CSMD1: variants seen among roughly 807,000 people sequenced by gnomAD.
The protein encoded by CSMD1 is CUB and Sushi multiple domains 1, also known as CUB and sushi domain-containing protein 1.
CSMD1 carries 213 observed loss-of-function variants against 417.5 expected under a neutral mutation model. That is an observed-to-expected ratio of 0.51 (90% CI 0.46 to 0.57). The LOEUF (loss-of-function observed/expected upper bound fraction) is 0.57. Ranked by LOEUF, CSMD1 falls within the 20% of genes least tolerant of loss-of-function variation. The pLI is 0.00. For synonymous variants in CSMD1, 2,862 were observed against 1,736.8 expected (o/e 1.65, Z -16.11); for missense variants, 6,923 against 4,529.7 (o/e 1.53, Z -15.17).
chr8:2,973,143 C>T lies in CSMD1; in HGVS notation c.8897G>A (p.Trp2966Ter). 6.2e-7 allele frequency: 1 copy of T among 1,613,758 alleles called. No homozygotes were observed. Among genetic ancestry groups the T allele is most frequent in the Admixed American group, 1.7e-5 (1 of 60,020 alleles). ...CTCACACACCGGCTGCAGTCCTGAC[C>T]ATGACCCATTGAGCAAACACGTGCG... Reference protein sequence around the residue: ...PERTCLLNGSWSGLQPVCEAV... With the variant: ...PERTCLLNGS The change falls in exon 57 of 70, where the codon TGG becomes TAG. Residue 2966 changes from tryptophan (W) to a stop codon, truncating the protein, a stop_gained. Coordinates refer to ENST00000635120, the MANE Select transcript of CSMD1 (RefSeq NM_033225.6). LOFTEE classifies it high-confidence loss of function.
At chr8:3,188,822 TGAAA>T (rs1340187798) in intron 35 of CSMD1, 61 bp downstream of exon 35, 9 of 1,337,258 alleles carry the variant, frequency 6.7e-6, no homozygotes, top group Non-Finnish European at 8.8e-6. Context: ...AACAAAAGAA[TGAAA>T]GAAAGAAGCC....
At chr8:4,321,557 T>C (rs1436343615) in intron 3 of CSMD1, among the ~76,000 whole-genome samples, 3 of 152,084 alleles carry the variant, frequency 2.0e-5, no homozygotes, top group Admixed American at 6.5e-5. Context: ...ATCACAGATA[T>C]AACAGACAAT....
chr8:3,734,668 G>A (rs549638041), intron 6 of CSMD1, among the ~76,000 whole-genome samples: 37 of 152,152 alleles, frequency 2.4e-4, no homozygotes, highest in Non-Finnish European at 4.0e-4. Flanking sequence ...CCAAAACTAC[G>A]CCACTGCACT....
At chr8:3,657,991 G>A (rs1305072499) in intron 7 of CSMD1, among the ~76,000 whole-genome samples, 2 of 152,006 alleles carry the variant, frequency 1.3e-5, no homozygotes, top group Non-Finnish European at 2.9e-5. Flanking sequence ...ATTCTATAAA[G>A]AGAAGTTTGG....
chr8:4,851,966 A>C (rs1447608303), intron 1 of CSMD1, among the ~76,000 whole-genome samples: 2 of 152,136 alleles, frequency 1.3e-5, no homozygotes, highest in Non-Finnish European at 2.9e-5. Flanking sequence ...CACTAGTCTA[A>C]GTTTTTTCCC....
chr8:3,634,701 G>C (rs915988649), intron 7 of CSMD1, among the ~76,000 whole-genome samples: 1 of 139,024 alleles, frequency 7.2e-6, no homozygotes, highest in Non-Finnish European at 1.5e-5. Context: ...GGTGTGATTA[G>C]AACTGTGCTG....
At chr8:4,384,966 G>A (rs562329794) in intron 3 of CSMD1, among the ~76,000 whole-genome samples, 1 of 152,150 alleles carries the variant, frequency 6.6e-6, no homozygotes, top group African/African-American at 2.4e-5. Context: ...TGTCACCCAG[G>A]ATGGAGTGCA....
chr8:4,695,966 G>C (rs947949928), intron 1 of CSMD1, among the ~76,000 whole-genome samples: 5 of 152,148 alleles, frequency 3.3e-5, no homozygotes, highest in African/African-American at 1.2e-4. Flanking sequence ...TAGAGACTTG[G>C]GTTCCGGAGG....
intron 2 of CSMD1, among the ~76,000 whole-genome samples, chr8:4,498,806 AT>A (rs1038320841): frequency 7.2e-5 from 11 of 152,090 alleles, no homozygotes; most frequent in African/African-American, 2.7e-4. Flanking sequence ...TATTACCGAG[AT>A]TCCCCCTGGA....
intron 16 of CSMD1, 143 bp downstream of exon 16, chr8:3,399,248 G>A (rs971704586): frequency 3.0e-6 from 2 of 668,222 alleles, no homozygotes; most frequent in South Asian, 2.5e-5. Flanking sequence ...AAACTTACAA[G>A]TAAGTGCCTG....
In CSMD1 at chr8:2,963,258, G is replaced by A. The variant is rs543793837; in HGVS notation, c.9418C>T (p.Arg3140Cys). The A allele has an allele frequency of 1.7e-5, 27 of 1,613,936 alleles. No individual in the cohort carries two copies. Among genetic ancestry groups the A allele is most frequent in the East Asian group, 4.5e-5 (2 of 44,868 alleles). The stretch of plus-strand genomic sequence containing the variant: ...GGGATCTCTCCTTTCCACACCCCGC[G>A]ACCTTCACAGGAGAGGATGGCGGAG... The part of the protein sequence containing the change: ...SHSAILSCEG[R>C]GVWKGEIPQC... The change falls in exon 60 of 70, where the codon CGC becomes TGC. Residue 3140 changes from arginine (R) to cysteine (C), a missense_variant. Physicochemically the swap from Arg to Cys is radical, Grantham distance 180. Transcript: ENST00000635120.
chr8:3,774,693 T>C (rs1349438987), intron 5 of CSMD1, among the ~76,000 whole-genome samples: 1 of 152,130 alleles, frequency 6.6e-6, no homozygotes, highest in Non-Finnish European at 1.5e-5. Context: ...TAATGCTAAG[T>C]GCAAAGGAAT....
chr8:4,089,823 G>A (rs1459306278), intron 3 of CSMD1, among the ~76,000 whole-genome samples: 2 of 152,120 alleles, frequency 1.3e-5, no homozygotes, highest in East Asian at 1.9e-4. Context: ...CTTGGAGGGT[G>A]AGAGCTGAGG....
At chr8:3,671,528 CATATATATAT>C (rs1278729666) in intron 7 of CSMD1, among the ~76,000 whole-genome samples, 1 of 50,210 alleles carries the variant, frequency 2.0e-5, no homozygotes, top group Non-Finnish European at 4.5e-5. Context: ...TATATATGAT[CATATATATAT>C]ATATATGATC....
chr8:4,716,930 T>C (rs570967221), intron 1 of CSMD1, among the ~76,000 whole-genome samples: 15 of 151,992 alleles, frequency 9.9e-5, no homozygotes, highest in Non-Finnish European at 2.2e-4. Context: ...AACAATGAGA[T>C]CCAATAGGTT....
chr8:4,046,136 T>C lies in CSMD1; in HGVS notation c.416-14037A>G, dbSNP rs1223563423. Among the ~76,000 whole-genome samples the C allele has an allele frequency of 2.6e-5, 4 of 152,156 alleles. No homozygotes were observed. The East Asian group carries it at 7.7e-4, about 29-fold the overall frequency. On this transcript the variant is annotated intron_variant, in intron 3 of 69. Transcript: ENST00000635120. ...ATAGCTCATATATATCTGATATATA[T>C]GTATTATGTATCATAAATTTATATA...
Position 4,524,569 on chromosome 8 carries a change from C to CTTT in CSMD1, c.303-104507_303-104505dup, listed in dbSNP as rs35453060. On this transcript the variant is annotated intron_variant, in intron 2 of 69. Coordinates refer to ENST00000635120, the MANE Select transcript of CSMD1 (RefSeq NM_033225.6). ...ATGACCATTTTTCATCACACTTGGT[C>CTTT]TTTTTTTTTTTTTTTTTTGGTTTGG... 1.0e-4 allele frequency among the ~76,000 whole-genome samples: 12 copies of CTTT among 117,916 alleles called. 1 individual carries two copies. The highest frequency in any genetic ancestry group is 2.5e-4 in the East Asian group (1 of 3,996). 77.4% of individuals were successfully genotyped at this position (117,916 alleles called of 152,430 possible). A position where few individuals can be genotyped will look rare whatever the true frequency, so the allele number is the denominator to read the frequency against.
At chr8:3,856,108 T>C (rs1297039070) in intron 5 of CSMD1, among the ~76,000 whole-genome samples, 4 of 152,232 alleles carry the variant, frequency 2.6e-5, no homozygotes, top group Non-Finnish European at 1.5e-5. Context: ...TAAAATGTAA[T>C]TCCCAGTGCT....
Position 4,113,520 on chromosome 8 carries a change from T to C in CSMD1, c.416-81421A>G, listed in dbSNP as rs202015667. ...CCCAGGTTCAAGCAATTCTCCTGCCTCTGCCTCCTGAGTAGCTGGGATTAC... is the reference window on the plus strand; with the variant it reads ...CCCAGGTTCAAGCAATTCTCCTGCCCCTGCCTCCTGAGTAGCTGGGATTAC... On this transcript the variant is annotated intron_variant, in intron 3 of 69. Coordinates refer to ENST00000635120, the MANE Select transcript of CSMD1 (RefSeq NM_033225.6). Among the ~76,000 whole-genome samples the C allele has an allele frequency of 2.2e-4, 33 of 150,214 alleles. 1 individual carries two copies. In the East Asian group the frequency reaches 6.1e-3, roughly 28 times the overall value.
Sources: gnomAD v4.1 joint callset for allele counts (sites outside exome capture counted in the v4.1 genomes callset) on GRCh38, gnomAD v4.1.1 for gene constraint, MANE v1.5 for transcripts, NCBI Gene and HGNC (gene_info 2026-07-23, HGNC 2026-07-21) for gene names.